TBC1D31: variants seen among roughly 807,000 people sequenced by gnomAD.
TBC1D31 encodes the protein WD repeat domain 67.
A neutral mutation model predicts 132.9 loss-of-function variants in TBC1D31; 99 were observed. That is an observed-to-expected ratio of 0.74 (90% CI 0.63 to 0.88). The LOEUF (loss-of-function observed/expected upper bound fraction) is 0.88. Among genes scored for constraint, TBC1D31 ranks in the 40% least tolerant of loss-of-function variants. The pLI, the probability that TBC1D31 is intolerant of heterozygous loss-of-function variation, is 0.00. For missense variants in TBC1D31, 1,134 were observed against 1,256.6 expected, an observed-to-expected ratio of 0.90 and a Z score of 1.48; for synonymous variants, 385 against 419.4, an observed-to-expected ratio of 0.92 and a Z score of 1.00.
chr8:123,147,149 C>T (rs1298166675), intron 20 of TBC1D31, among the ~76,000 whole-genome samples: 1 of 151,676 alleles, frequency 6.6e-6, no homozygotes, highest in Non-Finnish European at 1.5e-5. Flanking sequence ...CCCTCACCCT[C>T]TCACACTTAC....
Position 123,101,003 on chromosome 8 carries a change from A to G in TBC1D31, c.1028A>G (p.Asn343Ser), listed in dbSNP as rs1362861142. The G allele has an allele frequency of 1.9e-6, 3 of 1,605,488 alleles. No individual in the cohort carries two copies. The highest frequency in any genetic ancestry group is 3.3e-5 in the Admixed American group (2 of 60,016). The change falls in exon 7 of 22, where the codon AAT (asparagine) becomes AGT (serine). Residue 343 changes from asparagine (N) to serine (S), a missense_variant. Transcript: ENST00000287380. ...YSVQALTQEI[N>S]KPPPPLVKVI... Reference sequence around the variant, plus strand: ...GTTCAGGCTTTAACACAAGAAATAAATAAGGTATGTATGATGAAGTAATCA... The same window carrying G: ...GTTCAGGCTTTAACACAAGAAATAAGTAAGGTATGTATGATGAAGTAATCA...
chr8:123,147,226 G>A (rs1406599955), intron 20 of TBC1D31, among the ~76,000 whole-genome samples: 2 of 151,814 alleles, frequency 1.3e-5, no homozygotes, highest in African/African-American at 2.4e-5. Flanking sequence ...AGGCTGGAGT[G>A]CAGTGGCACA....
intron 20 of TBC1D31, among the ~76,000 whole-genome samples, chr8:123,147,855 C>T (rs1344865113): frequency 6.6e-6 from 1 of 152,074 alleles, no homozygotes; most frequent in Admixed American, 6.5e-5. Flanking sequence ...GAGCCCGGCG[C>T]GGTGGCTCAC....
chr8:123,150,376 C>G (rs747945226), intron 21 of TBC1D31, among the ~76,000 whole-genome samples: 5 of 152,202 alleles, frequency 3.3e-5, no homozygotes, highest in Admixed American at 6.5e-5. Flanking sequence ...TGAGCACCAG[C>G]ACTGCTGCCC....
intron 1 of TBC1D31, among the ~76,000 whole-genome samples, chr8:123,074,047 CTT>C (rs1814218910): frequency 7.1e-6 from 1 of 141,066 alleles, no homozygotes; most frequent in Non-Finnish European, 1.5e-5. Context: ...TTTTTTTTCT[CTT>C]GAGACAGAGT....
intron 4 of TBC1D31, 24 bp from the exon 5 acceptor site, chr8:123,093,567 C>A: frequency 6.4e-7 from 1 of 1,551,592 alleles, no homozygotes; most frequent in Non-Finnish European, 8.8e-7. Flanking sequence ...TATGTGAAAA[C>A]TAACTTTCTC....
At chr8:123,093,551 G>T in intron 4 of TBC1D31, 40 bp from the exon 5 acceptor site, 1 of 1,463,374 alleles carries the variant, frequency 6.8e-7, no homozygotes, top group South Asian at 1.4e-5. Flanking sequence ...GTCTCTATGT[G>T]AACCTTATGT....
intron 17 of TBC1D31, among the ~76,000 whole-genome samples, chr8:123,136,019 A>G (rs1305356984): frequency 6.6e-6 from 1 of 152,200 alleles, no homozygotes; most frequent in East Asian, 1.9e-4. Context: ...ATATATACAC[A>G]CAAACATATA....
At chr8:123,106,663 T>G (rs1817958382) in intron 8 of TBC1D31, among the ~76,000 whole-genome samples, 1 of 152,180 alleles carries the variant, frequency 6.6e-6, no homozygotes, top group African/African-American at 2.4e-5. Context: ...ATTTTTTAAT[T>G]GTAAAATTTG....
chr8:123,121,858 C>T (rs578070291), intron 11 of TBC1D31, among the ~76,000 whole-genome samples: 102 of 152,122 alleles, frequency 6.7e-4, no homozygotes, highest in Non-Finnish European at 1.1e-3. Flanking sequence ...AAAAGACAAA[C>T]AAGCCAATTA....
chr8:123,130,359 A>G (rs1586700725), intron 16 of TBC1D31, 26 bp downstream of exon 16: 2 of 1,591,726 alleles, frequency 1.3e-6, no homozygotes, highest in African/African-American at 1.3e-5. Context: ...CTTAGTTCTC[A>G]TACATCATCT....
chr8:123,165,005 AGAG>A, the TBC1D31 span, among the ~76,000 whole-genome samples: 1 of 152,250 alleles, frequency 6.6e-6, no homozygotes, highest in African/African-American at 2.4e-5. Context: ...GTCTCTGAGG[AGAG>A]GAGATCTGGA....
Position 123,097,317 on chromosome 8 carries a change from A to C in TBC1D31, c.707A>C (p.Asn236Thr). 1 of 1,614,176 alleles carries C rather than the reference A, an allele frequency of 6.2e-7. No homozygotes were observed. The highest frequency in any genetic ancestry group is 8.5e-7 in the Non-Finnish European group (1 of 1,180,028). The change falls in exon 6 of 22, where the codon AAT (asparagine) becomes ACT (threonine). Residue 236 changes from asparagine (N) to threonine (T), a missense_variant. By Grantham distance (65) the Asn-to-Thr change is moderately conservative. Transcript: ENST00000287380. ...GRILAAGGKS[N>T]HLHLWCLEAR... is the part of the protein sequence containing the mutation. ...ATCCTGGCTGCTGGAGGCAAGTCAA[A>C]TCATCTTCATTTGTGGTGCTTGGAA... is the stretch of plus-strand genomic sequence containing the variant.
At chr8:123,116,171 A>G (rs73339605) in intron 10 of TBC1D31, among the ~76,000 whole-genome samples, 15 of 152,324 alleles carry the variant, frequency 9.8e-5, no homozygotes, top group Admixed American at 6.5e-4. Flanking sequence ...TAAAGATGTC[A>G]TTTCAAAGTA....
At chr8:123,132,482 C>T (rs751140015) in intron 16 of TBC1D31, among the ~76,000 whole-genome samples, 12 of 145,780 alleles carry the variant, frequency 8.2e-5, no homozygotes, top group Admixed American at 4.9e-4. Flanking sequence ...GGTGCGATCC[C>T]GGCTCACTGC....
chr8:123,111,819 C>G (rs955364063), intron 10 of TBC1D31, among the ~76,000 whole-genome samples: 4 of 152,100 alleles, frequency 2.6e-5, no homozygotes, highest in Non-Finnish European at 4.4e-5. Context: ...TAGGTTATAT[C>G]CCACTAGGCA....
intron 4 of TBC1D31, 137 bp from the exon 5 acceptor site, chr8:123,093,454 C>A: frequency 2.0e-6 from 1 of 510,068 alleles, no homozygotes; most frequent in Non-Finnish European, 3.2e-6. Context: ...TACTCCTTGT[C>A]ATATATTAGA....
chr8:123,121,140 T>C (rs1233262799), intron 11 of TBC1D31, among the ~76,000 whole-genome samples: 1 of 150,760 alleles, frequency 6.6e-6, no homozygotes, highest in Non-Finnish European at 1.5e-5. Context: ...ATTGTTTTAG[T>C]AGAGACAGAG....
At chr8:123,158,150 A>G in the TBC1D31 span, among the ~76,000 whole-genome samples, 1 of 148,686 alleles carries the variant, frequency 6.7e-6, no homozygotes, top group Non-Finnish European at 1.5e-5. Context: ...CCAGCCCTTT[A>G]TATAAGCTCA....
Sources: allele counts gnomAD v4.1 joint callset (sites outside exome capture counted in the v4.1 genomes callset), GRCh38; gene constraint gnomAD v4.1.1; transcripts MANE v1.5; gene names NCBI Gene and HGNC (gene_info 2026-07-23, HGNC 2026-07-21).